The following TLL1 variants were observed in gnomAD, a reference collection of about 807,000 sequenced individuals.
The protein encoded by TLL1 is tolloid-like protein 1.
TLL1 carries 49 observed loss-of-function variants against 128.2 expected under a neutral mutation model. The observed-to-expected ratio is 0.38, with a 90% CI of 0.30 to 0.48. TLL1 has a LOEUF of 0.48. Among genes scored for constraint, TLL1 ranks in the 20% least tolerant of loss-of-function variants. The pLI is 0.96. For synonymous variants in TLL1, 454 were observed against 418.8 expected (o/e 1.08, Z -1.03); for missense variants, 1,123 against 1,242.0 (o/e 0.90, Z 1.44).
chr4:165,947,404 G>GT (rs1351036180), intron 1 of TLL1, among the ~76,000 whole-genome samples: 2 of 152,006 alleles, frequency 1.3e-5, no homozygotes, highest in Non-Finnish European at 1.5e-5. Context: ...TATTCAGTCC[G>GT]TAACACCTGG....
At chr4:166,028,312 G>A (rs115930613) in intron 9 of TLL1, among the ~76,000 whole-genome samples, 1,561 of 151,934 alleles carry the variant, frequency 0.01, 28 homozygotes, top group African/African-American at 0.034. Context: ...TTTCAGTAAT[G>A]TGTTTTTCTT....
At chr4:166,036,160 G>GA (rs34341517) in intron 9 of TLL1, among the ~76,000 whole-genome samples, 18,050 of 152,044 alleles carry the variant, frequency 0.12, 1,183 homozygotes, top group East Asian at 0.26. Context: ...TAATTGTGCT[G>GA]AAAAAAGTTC....
intron 1 of TLL1, among the ~76,000 whole-genome samples, chr4:165,978,275 G>A (rs1159773017): frequency 2.0e-5 from 3 of 151,516 alleles, no homozygotes; most frequent in Non-Finnish European, 4.4e-5. Context: ...TTGTTTCCAG[G>A]TTTTTTTTAT....
intron 6 of TLL1, among the ~76,000 whole-genome samples, chr4:166,005,736 T>C (rs1485722426): frequency 2.8e-5 from 4 of 145,320 alleles, no homozygotes; most frequent in African/African-American, 7.3e-5. Flanking sequence ...GTGTTTTTTA[T>C]TTGCCAAACA....
chr4:165,952,785 G>A (rs1323167907), intron 1 of TLL1, among the ~76,000 whole-genome samples: 1 of 151,820 alleles, frequency 6.6e-6, no homozygotes, highest in Non-Finnish European at 1.5e-5. Context: ...GGTAATCAAT[G>A]TTTTCAAAAG....
At chr4:166,062,284 A>G (rs1359008412) in intron 15 of TLL1, among the ~76,000 whole-genome samples, 2 of 152,182 alleles carry the variant, frequency 1.3e-5, no homozygotes, top group Non-Finnish European at 2.9e-5. Flanking sequence ...TGGGGATGGC[A>G]TTGAATCTAT....
At chr4:166,045,805 G>T (rs985459136) in intron 12 of TLL1, among the ~76,000 whole-genome samples, 2 of 151,962 alleles carry the variant, frequency 1.3e-5, no homozygotes, top group Admixed American at 6.6e-5. Flanking sequence ...CTGATGTTCC[G>T]CTGCCTCAGA....
rs531511007 is a variant in TLL1 at position 165,884,431 on chromosome 4, T to C, written c.169+10358T>C. On this transcript the variant is annotated intron_variant, in intron 1 of 20. Transcript: ENST00000061240. ...TTTTAAGTAAGTACTTTGTAGGCTT[T>C]GTTATTTGGCAGTGGACTAGTACAA... 2.0e-5 allele frequency among the ~76,000 whole-genome samples: 3 copies of C among 152,346 alleles called. No individual in the cohort carries two copies. The South Asian group carries it at 6.2e-4, about 32-fold the overall frequency.
intron 16 of TLL1, among the ~76,000 whole-genome samples, chr4:166,073,503 CT>C (rs1287624827): frequency 6.6e-6 from 1 of 151,892 alleles, no homozygotes; most frequent in Non-Finnish European, 1.5e-5. Context: ...TTTTGTTTTG[CT>C]TTTTGCTTAT....
chr4:166,096,912 T>C (rs1484041219), intron 19 of TLL1, among the ~76,000 whole-genome samples: 1 of 152,168 alleles, frequency 6.6e-6, no homozygotes, highest in African/African-American at 2.4e-5. Flanking sequence ...TTGTTCAATT[T>C]TCCTGGTTTT....
Position 166,103,399 on chromosome 4 carries a change from T to G in TLL1, c.*2523T>G, listed in dbSNP as rs967025997. ...AAAACCCTATAGTTTGGAGTTAGTA[T>G]GAGCCTTTTGTGAAAATAAATATAT... is the stretch of plus-strand genomic sequence containing the variant. On this transcript the variant is annotated 3_prime_UTR_variant, in exon 21 of 21. Transcript: ENST00000061240. The G allele has an allele frequency of 6.6e-6, 1 of 151,846 alleles. No individual in the cohort carries two copies. The highest frequency in any genetic ancestry group is 2.4e-5 in the African/African-American group (1 of 41,410). The allele number at this position is 151,846 out of a possible 1,614,324, so 9.4% of individuals were successfully genotyped here. A position where few individuals can be genotyped will look rare whatever the true frequency, so the allele number is the denominator to read the frequency against.
intron 5 of TLL1, among the ~76,000 whole-genome samples, chr4:165,997,188 A>T (rs1381968969): frequency 1.3e-5 from 2 of 152,196 alleles, no homozygotes; most frequent in African/African-American, 4.8e-5. Flanking sequence ...CTTAAATCTC[A>T]TAAAAATTCA....
At chr4:165,926,402 C>A (rs918200025) in intron 1 of TLL1, among the ~76,000 whole-genome samples, 1 of 152,042 alleles carries the variant, frequency 6.6e-6, no homozygotes, top group Non-Finnish European at 1.5e-5. Context: ...AAAATTTGCA[C>A]GAGAACTGGA....
intron 5 of TLL1, among the ~76,000 whole-genome samples, chr4:165,998,599 C>T (rs1040326503): frequency 2.0e-5 from 3 of 151,958 alleles, no homozygotes; most frequent in African/African-American, 7.3e-5. Flanking sequence ...CAAGACCATC[C>T]TGGCTAACAT....
At chr4:166,089,017 T>C (rs77613598) in intron 18 of TLL1, among the ~76,000 whole-genome samples, 6,414 of 152,246 alleles carry the variant, frequency 0.042, 200 homozygotes, top group African/African-American at 0.066. Flanking sequence ...AGAATGCCAC[T>C]ACCTCCAACT....
chr4:165,991,169 ATGT>A (rs1409622033), intron 2 of TLL1, among the ~76,000 whole-genome samples: 15 of 152,096 alleles, frequency 9.9e-5, no homozygotes, highest in South Asian at 2.1e-4. Flanking sequence ...AATTTTTAAA[ATGT>A]TGTTATTTAA....
At chr4:166,004,671 C>T (rs1020184387) in intron 6 of TLL1, among the ~76,000 whole-genome samples, 10 of 151,982 alleles carry the variant, frequency 6.6e-5, no homozygotes, top group East Asian at 1.9e-4. Flanking sequence ...AAATTTCAAG[C>T]GAAAAGGACT....
At chr4:165,918,195 T>C (rs1395186394) in intron 1 of TLL1, among the ~76,000 whole-genome samples, 1 of 151,860 alleles carries the variant, frequency 6.6e-6, no homozygotes, top group East Asian at 1.9e-4. Context: ...CGTTGTGTAA[T>C]TTTTTTTGGT....
At chr4:165,954,967 A>G (rs955286220) in intron 1 of TLL1, among the ~76,000 whole-genome samples, 7 of 152,092 alleles carry the variant, frequency 4.6e-5, no homozygotes, top group African/African-American at 1.4e-4. Context: ...CCAGACTGAA[A>G]TGGCTGAAAT....
Sources: gnomAD v4.1 joint callset for allele counts (sites outside exome capture counted in the v4.1 genomes callset) on GRCh38, gnomAD v4.1.1 for gene constraint, MANE v1.5 for transcripts, NCBI Gene and HGNC (gene_info 2026-07-23, HGNC 2026-07-21) for gene names.